Variants in PPM1L observed in about 807,000 individuals in gnomAD.
PPM1L encodes the protein protein phosphatase 1L.
Under a neutral mutation model 31.4 loss-of-function variants are expected in PPM1L, and 13 were observed. That is an observed-to-expected ratio of 0.41 (90% CI 0.27 to 0.66). The LOEUF (loss-of-function observed/expected upper bound fraction) is 0.66, where lower values mean the gene tolerates loss of function less well. Ranked by LOEUF, PPM1L falls within the 30% of genes least tolerant of loss-of-function variation. The probability of loss-of-function intolerance (pLI) is 0.29; values close to 1 mark genes in which losing one functional copy is unlikely to be tolerated. For missense variants in PPM1L, 326 were observed against 453.7 expected (o/e 0.72, Z 2.56); for synonymous variants, 184 against 175.4 (o/e 1.05, Z -0.39).
chr3:161,006,189 T>C (rs1717698854), intron 2 of PPM1L, among the ~76,000 whole-genome samples: 1 of 152,200 alleles, frequency 6.6e-6, no homozygotes, highest in South Asian at 2.1e-4. Context: ...AAAGAAATCT[T>C]GTTAAATGCT....
In PPM1L at chr3:161,072,198, A is replaced by G. The variant is rs988072221; in HGVS notation, c.*3041A>G. 1 of 152,226 alleles carries G rather than the reference A, an allele frequency of 6.6e-6. No homozygotes were observed. Among genetic ancestry groups the G allele is most frequent in the Non-Finnish European group, 1.5e-5 (1 of 68,040 alleles). 9.4% of individuals were successfully genotyped at this position (152,226 alleles called of 1,614,324 possible). On this transcript the variant is annotated 3_prime_UTR_variant, in exon 4 of 4. Coordinates refer to ENST00000498165, the MANE Select transcript of PPM1L (RefSeq NM_139245.4). ...CATCATAGGAATAAACAACACATAT[A>G]GAAAGCTCCAAAGCTGTTCCCAAGA...
At chr3:161,053,874 T>C (rs1446304746) in intron 2 of PPM1L, among the ~76,000 whole-genome samples, 1 of 152,232 alleles carries the variant, frequency 6.6e-6, no homozygotes, top group Non-Finnish European at 1.5e-5. Context: ...GACTGCCTCA[T>C]ATTCATCCAG....
At chr3:160,764,863 C>T (rs932935830) in intron 1 of PPM1L, among the ~76,000 whole-genome samples, 1 of 151,996 alleles carries the variant, frequency 6.6e-6, no homozygotes, top group South Asian at 2.1e-4. Context: ...CAACTGCTTC[C>T]TTATTTGTAT....
intron 1 of PPM1L, among the ~76,000 whole-genome samples, chr3:160,776,672 C>T (rs1711564706): frequency 6.7e-6 from 1 of 149,798 alleles, no homozygotes; most frequent in African/African-American, 2.5e-5. Flanking sequence ...GGCAAGATCT[C>T]AGCTCACTGC....
chr3:160,766,744 G>GTTTTTTTTTTTT lies in PPM1L; in HGVS notation c.399+10039_399+10050dup, dbSNP rs200642876. Among the ~76,000 whole-genome samples, 88 of 142,352 alleles carry GTTTTTTTTTTTT rather than the reference G, an allele frequency of 6.2e-4. 1 individual carries two copies. The highest frequency in any genetic ancestry group is 2.2e-3 in the African/African-American group (84 of 38,182). 93.4% of individuals were successfully genotyped at this position (142,352 alleles called of 152,430 possible). A position where few individuals can be genotyped will look rare whatever the true frequency, so the allele number is the denominator to read the frequency against. The stretch of plus-strand genomic sequence containing the variant: ...TCTTGATCACTTGATCTCTCTGGAG[G>GTTTTTTTTTTTT]TTTTTTTTTTTTTCCCTTCTCTTTC... On this transcript the variant is annotated intron_variant, in intron 1 of 3. Coordinates refer to ENST00000498165, the MANE Select transcript of PPM1L (RefSeq NM_139245.4).
intron 2 of PPM1L, chr3:161,022,357 C>A: frequency 2.6e-6 from 1 of 391,162 alleles, no homozygotes; most frequent in Non-Finnish European, 4.5e-6. Context: ...ATAATTATTT[C>A]TTTATGCATT....
chr3:161,022,667 T>A (rs1202759064), intron 2 of PPM1L, among the ~76,000 whole-genome samples: 2 of 140,964 alleles, frequency 1.4e-5, no homozygotes, highest in East Asian at 4.1e-4. Flanking sequence ...CTTTTTTTTT[T>A]TTTTTTTTTT....
rs796672012 is a variant in PPM1L at position 160,945,070 on chromosome 3, G to A, written c.400-16666G>A. Among the ~76,000 whole-genome samples, 439 of 64,754 alleles carry A rather than the reference G, an allele frequency of 6.8e-3. 18 individuals carry two copies. Among genetic ancestry groups the A allele is most frequent in the African/African-American group, 0.019 (383 of 20,008 alleles). The allele number at this position is 64,754 out of a possible 152,430, so 42.5% of individuals were successfully genotyped here. A position where few individuals can be genotyped will look rare whatever the true frequency, so the allele number is the denominator to read the frequency against. On this transcript the variant is annotated intron_variant, in intron 1 of 3. Coordinates refer to ENST00000498165, the MANE Select transcript of PPM1L (RefSeq NM_139245.4). Reference sequence around the variant, plus strand: ...TATTATATATAACTATATATAACATGTTATATATAACTATATATAACATGT... The same window carrying A: ...TATTATATATAACTATATATAACATATTATATATAACTATATATAACATGT...
intron 2 of PPM1L, among the ~76,000 whole-genome samples, chr3:161,047,408 T>C (rs1397823631): frequency 2.0e-5 from 3 of 152,150 alleles, no homozygotes; most frequent in African/African-American, 7.2e-5. Context: ...CAAGGAGAAC[T>C]ACAAACCACT....
At chr3:160,864,477 AC>A (rs1216461858) in intron 1 of PPM1L, among the ~76,000 whole-genome samples, 3 of 152,122 alleles carry the variant, frequency 2.0e-5, no homozygotes, top group African/African-American at 7.2e-5. Context: ...ACGCCCAGTC[AC>A]CCTTGTCTTC....
rs1446999425 is a variant in PPM1L at position 161,076,131 on chromosome 3, C to A, written c.*6974C>A. On this transcript the variant is annotated 3_prime_UTR_variant, in exon 4 of 4. Coordinates refer to ENST00000498165, the MANE Select transcript of PPM1L (RefSeq NM_139245.4). ...AGAGAGTTTTCTAATCCATATAATGCAATGGGTCAGGTTGCTCATATGATT... is the reference window on the plus strand; with the variant it reads ...AGAGAGTTTTCTAATCCATATAATGAAATGGGTCAGGTTGCTCATATGATT... 1 of 152,174 alleles carries A rather than the reference C, an allele frequency of 6.6e-6. No individual in the cohort carries two copies. Among genetic ancestry groups the A allele is most frequent in the East Asian group, 1.9e-4 (1 of 5,192 alleles). The allele number at this position is 152,174 out of a possible 1,614,324, so 9.4% of individuals were successfully genotyped here.
chr3:160,922,412 G>A (rs1714446158), intron 1 of PPM1L, among the ~76,000 whole-genome samples: 1 of 152,154 alleles, frequency 6.6e-6, no homozygotes, highest in South Asian at 2.1e-4. Flanking sequence ...TTTCAAAACA[G>A]GCATTGAGTC....
chr3:160,990,829 T>C (rs1168099783), intron 2 of PPM1L, among the ~76,000 whole-genome samples: 1 of 152,166 alleles, frequency 6.6e-6, no homozygotes, highest in Non-Finnish European at 1.5e-5. Flanking sequence ...TGTGACGAAG[T>C]CTCTTTTGTA....
chr3:160,827,896 C>T (rs1713403848), intron 1 of PPM1L, among the ~76,000 whole-genome samples: 1 of 152,036 alleles, frequency 6.6e-6, no homozygotes, highest in Non-Finnish European at 1.5e-5. Context: ...CCTCATGGAA[C>T]TTTTACTCAA....
chr3:161,041,983 C>T (rs931523279), intron 2 of PPM1L, among the ~76,000 whole-genome samples: 1 of 151,608 alleles, frequency 6.6e-6, no homozygotes, highest in Non-Finnish European at 1.5e-5. Context: ...AATAAAAACC[C>T]GTTCTCATTC....
At chr3:160,760,726 T>G (rs7640231) in intron 1 of PPM1L, among the ~76,000 whole-genome samples, 9 of 151,418 alleles carry the variant, frequency 5.9e-5, no homozygotes, top group Admixed American at 3.9e-4. Context: ...TTTTTTGTTT[T>G]TTTTTTTTAA....
intron 2 of PPM1L, 112 bp downstream of exon 2, chr3:160,962,022 C>T (rs1006242280): frequency 1.4e-6 from 1 of 689,664 alleles, no homozygotes; most frequent in Non-Finnish European, 2.2e-6. Flanking sequence ...AGTTATGTAA[C>T]ATGGACTAAT....
intron 2 of PPM1L, among the ~76,000 whole-genome samples, chr3:161,034,570 A>G (rs13098896): frequency 0.28 from 41,943 of 150,264 alleles, 6,130 homozygotes; most frequent in East Asian, 0.58. Context: ...GAAACCATCA[A>G]TCTCAGCAAA....
chr3:161,054,182 C>T (rs1477751647), intron 2 of PPM1L, among the ~76,000 whole-genome samples: 1 of 152,032 alleles, frequency 6.6e-6, no homozygotes, highest in Non-Finnish European at 1.5e-5. Context: ...GGTTTGCTAT[C>T]CTAGTACCTC....
Sources: allele counts gnomAD v4.1 joint callset (sites outside exome capture counted in the v4.1 genomes callset), GRCh38; gene constraint gnomAD v4.1.1; transcripts MANE v1.5; gene names NCBI Gene and HGNC (gene_info 2026-07-23, HGNC 2026-07-21).